Variants in ASTN2 observed in about 807,000 individuals in gnomAD.
ASTN2 encodes the protein astrotactin-2.
ASTN2 carries 54 observed loss-of-function variants against 139.8 expected under a neutral mutation model. The ratio of observed to expected loss-of-function variants is 0.39; its 90% CI spans 0.31 to 0.48. The LOEUF (loss-of-function observed/expected upper bound fraction) is 0.48. Ranked by LOEUF, ASTN2 falls within the 20% of genes least tolerant of loss-of-function variation. The pLI, the probability that ASTN2 is intolerant of heterozygous loss-of-function variation, is 0.95. For synonymous variants in ASTN2, 756 were observed against 719.5 expected (o/e 1.05, Z -0.81); for missense variants, 1,565 against 1,725.1 (o/e 0.91, Z 1.64).
At chr9:116,632,185 G>GAGAGAGAGAGAGA (rs1564168833) in intron 17 of ASTN2, among the ~76,000 whole-genome samples, 22 of 48,674 alleles carry the variant, frequency 4.5e-4, no homozygotes, top group South Asian at 2.1e-3. Flanking sequence ...AGAGAGAGAG[G>GAGAGAGAGAGAGA]GAGAGAGAGA....
Position 116,439,194 on chromosome 9 carries a change from A to ATTTTTTTTTTTTTTTTTTTT in ASTN2, c.3782+1395_3782+1414dup, listed in dbSNP as rs1016270368. 3.2e-4 allele frequency among the ~76,000 whole-genome samples: 18 copies of ATTTTTTTTTTTTTTTTTTTT among 56,724 alleles called. 2 individuals are homozygous for ATTTTTTTTTTTTTTTTTTTT. The highest frequency in any genetic ancestry group is 3.3e-4 in the Non-Finnish European group (11 of 33,616). 37.2% of individuals were successfully genotyped at this position (56,724 alleles called of 152,430 possible). On this transcript the variant is annotated intron_variant, in intron 22 of 22. Transcript: ENST00000313400. ...GATGTTGTGTTTTCTATTCAAATAC[A>ATTTTTTTTTTTTTTTTTTTT]TTTTTTTTTTTTTTTTTTTTTTTTG...
chr9:116,805,325 GATTA>G (rs1564277163), intron 13 of ASTN2, among the ~76,000 whole-genome samples: 1 of 152,094 alleles, frequency 6.6e-6, no homozygotes, highest in Non-Finnish European at 1.5e-5. Flanking sequence ...TAGACTGAAA[GATTA>G]ATTAATGTTT....
rs192183278 is a variant in ASTN2 at position 117,325,642 on chromosome 9, A to G, written c.443-34129T>C. On this transcript the variant is annotated intron_variant, in intron 1 of 22. Transcript: ENST00000313400. ...GGAGACTGATAAGGAAGTAATTAGG[A>G]TAGACATGCAGGGATTACAGGAAGG... Among the ~76,000 whole-genome samples, 108 of 152,288 alleles carry G rather than the reference A, an allele frequency of 7.1e-4. 1 individual carries two copies. Among genetic ancestry groups the G allele is most frequent in the African/African-American group, 2.6e-3 (107 of 41,558 alleles).
intron 11 of ASTN2, among the ~76,000 whole-genome samples, chr9:116,835,582 A>G (rs986190248): frequency 6.6e-6 from 1 of 152,094 alleles, no homozygotes; most frequent in Non-Finnish European, 1.5e-5. Flanking sequence ...TAACCAGAAC[A>G]TCCCTATATC....
chr9:117,373,525 T>C lies in ASTN2; in HGVS notation c.442+40972A>G, dbSNP rs562441412. On this transcript the variant is annotated intron_variant, in intron 1 of 22. Coordinates refer to ENST00000313400, the MANE Select transcript of ASTN2 (RefSeq NM_001365068.1). ...TGCAGACCAGTGAAATATGCTCTTGTAATGTGAGGAACATCCATTCAGAAA... is the reference window on the plus strand; with the variant it reads ...TGCAGACCAGTGAAATATGCTCTTGCAATGTGAGGAACATCCATTCAGAAA... 3.3e-5 allele frequency among the ~76,000 whole-genome samples: 5 copies of C among 152,254 alleles called. No homozygotes were observed. In the East Asian group the frequency reaches 9.7e-4, roughly 29 times the overall value.
intron 10 of ASTN2, among the ~76,000 whole-genome samples, chr9:116,906,933 A>T (rs1834176897): frequency 6.6e-6 from 1 of 152,198 alleles, no homozygotes; most frequent in African/African-American, 2.4e-5. Flanking sequence ...ATATTTTTCT[A>T]GCTCATTTCC....
intron 11 of ASTN2, among the ~76,000 whole-genome samples, chr9:116,839,878 A>ATTTTT (rs1297483642): frequency 2.3e-4 from 24 of 104,768 alleles, no homozygotes; most frequent in Non-Finnish European, 3.9e-4. Flanking sequence ...TATTATTATT[A>ATTTTT]TTATTTTTTT....
chr9:116,925,115 A>G (rs1834717719), intron 10 of ASTN2, among the ~76,000 whole-genome samples: 2 of 152,104 alleles, frequency 1.3e-5, no homozygotes, highest in African/African-American at 4.8e-5. Flanking sequence ...ATATACCCAT[A>G]TTTGCTTTCT....
chr9:116,949,970 TTTC>T (rs1764122449), intron 10 of ASTN2, among the ~76,000 whole-genome samples: 1 of 152,172 alleles, frequency 6.6e-6, no homozygotes, highest in East Asian at 1.9e-4. Flanking sequence ...CAGCAAAGTT[TTTC>T]TTTTTTTTTT....
At chr9:117,118,883 C>G (rs1385550266) in intron 4 of ASTN2, among the ~76,000 whole-genome samples, 3 of 152,112 alleles carry the variant, frequency 2.0e-5, no homozygotes, top group Non-Finnish European at 2.9e-5. Context: ...CTCTGACCAC[C>G]CTAAGATACT....
chr9:117,400,422 T>C (rs1227593867), intron 1 of ASTN2, among the ~76,000 whole-genome samples: 1 of 152,078 alleles, frequency 6.6e-6, no homozygotes, highest in African/African-American at 2.4e-5. Flanking sequence ...CCCTAGAGGC[T>C]TCTGTGGTTT....
chr9:116,557,121 G>T (rs935413251), intron 19 of ASTN2, among the ~76,000 whole-genome samples: 3 of 150,718 alleles, frequency 2.0e-5, no homozygotes, highest in Non-Finnish European at 4.4e-5. Context: ...CTACTCGGGA[G>T]GCTGAGGCAG....
At chr9:116,692,673 A>G (rs1860631371) in intron 16 of ASTN2, among the ~76,000 whole-genome samples, 1 of 152,118 alleles carries the variant, frequency 6.6e-6, no homozygotes, top group Non-Finnish European at 1.5e-5. Context: ...GTCCACTCCT[A>G]GTTCGTGTCT....
intron 16 of ASTN2, among the ~76,000 whole-genome samples, chr9:116,673,356 A>G (rs1588172665): frequency 6.6e-6 from 1 of 152,202 alleles, no homozygotes; most frequent in African/African-American, 2.4e-5. Context: ...AACTATTGTT[A>G]TCCCTATTTT....
At chr9:116,665,959 G>T (rs1257690481) in intron 16 of ASTN2, among the ~76,000 whole-genome samples, 1 of 152,106 alleles carries the variant, frequency 6.6e-6, no homozygotes, top group African/African-American at 2.4e-5. Context: ...AAAGAATGAA[G>T]TATCAGCCAT....
chr9:117,287,459 C>T (rs1216182317), intron 2 of ASTN2, among the ~76,000 whole-genome samples: 2 of 152,166 alleles, frequency 1.3e-5, no homozygotes, highest in Non-Finnish European at 2.9e-5. Context: ...AGATTAAGGG[C>T]ATAGTTTCTG....
intron 5 of ASTN2, among the ~76,000 whole-genome samples, chr9:117,075,416 G>C (rs1828252485): frequency 6.7e-6 from 1 of 149,390 alleles, no homozygotes; most frequent in Non-Finnish European, 1.5e-5. Flanking sequence ...GAAAGAAAGA[G>C]ACACACCAAG....
chr9:117,273,700 C>A (rs1834118562), intron 2 of ASTN2, among the ~76,000 whole-genome samples: 1 of 152,190 alleles, frequency 6.6e-6, no homozygotes, highest in African/African-American at 2.4e-5. Context: ...TATACCCTTT[C>A]ACATGGTGTT....
chr9:116,455,698 A>G (rs1848311504), intron 20 of ASTN2, among the ~76,000 whole-genome samples: 1 of 152,008 alleles, frequency 6.6e-6, no homozygotes, highest in Non-Finnish European at 1.5e-5. Context: ...TTACTTTAAC[A>G]GCAACAATAA....
Sources: allele counts gnomAD v4.1 joint callset (sites outside exome capture counted in the v4.1 genomes callset), GRCh38; gene constraint gnomAD v4.1.1; transcripts MANE v1.5; gene names NCBI Gene and HGNC (gene_info 2026-07-23, HGNC 2026-07-21).